The following KCNIP3 variants were observed in gnomAD, a reference collection of about 807,000 sequenced individuals.
KCNIP3 encodes calsenilin.
A neutral mutation model predicts 35.0 loss-of-function variants in KCNIP3; 28 were observed. That is an observed-to-expected ratio of 0.80 (90% CI 0.59 to 1.10). The LOEUF (loss-of-function observed/expected upper bound fraction) is 1.10, where lower values mean the gene tolerates loss of function less well. KCNIP3 is among the 50% of genes least tolerant of loss of function. KCNIP3 has a pLI of 0.00. For synonymous variants in KCNIP3, 134 were observed against 133.8 expected (o/e 1.00, Z -0.01); for missense variants, 295 against 338.4 (o/e 0.87, Z 1.01).
At chr2:95,355,905 C>T (rs1053334077) in intron 2 of KCNIP3, among the ~76,000 whole-genome samples, 9 of 152,094 alleles carry the variant, frequency 5.9e-5, no homozygotes, top group African/African-American at 1.9e-4. Context: ...GTTCTAGATC[C>T]CTGAGGAATC....
At chr2:95,354,272 C>G (rs1466372675) in intron 2 of KCNIP3, among the ~76,000 whole-genome samples, 4 of 152,246 alleles carry the variant, frequency 2.6e-5, no homozygotes, top group African/African-American at 9.6e-5. Flanking sequence ...GCGTGTGTCT[C>G]TATACTTAGG....
chr2:95,300,632 G>C (rs569409714), intron 1 of KCNIP3, among the ~76,000 whole-genome samples: 1 of 152,198 alleles, frequency 6.6e-6, no homozygotes, highest in South Asian at 2.1e-4. Flanking sequence ...CAGGGCTCCC[G>C]GCCTCAGCTG....
rs1680254481 is a variant in KCNIP3, at chr2:95,378,317, A to G, written c.447+3109A>G. 1.3e-5 allele frequency among the ~76,000 whole-genome samples: 2 copies of G among 151,864 alleles called. No homozygotes were observed. The highest frequency in any genetic ancestry group is 2.9e-5 in the Non-Finnish European group (2 of 67,964). On this transcript the variant is annotated intron_variant, in intron 5 of 8. Coordinates refer to ENST00000295225, the MANE Select transcript of KCNIP3 (RefSeq NM_013434.5). The surrounding 1 kb of genome is among the most constrained non-coding windows in gnomAD (Gnocchi z 4.0). ...TTTTTATTTTAATTGTTGTAGATGCAAGGTCTCACTATGTTGTCCAGGCTA... is the reference window on the plus strand; with the variant it reads ...TTTTTATTTTAATTGTTGTAGATGCGAGGTCTCACTATGTTGTCCAGGCTA...
intron 2 of KCNIP3, 152 bp downstream of exon 2, chr2:95,310,672 C>T: frequency 1.2e-6 from 1 of 804,826 alleles, no homozygotes; most frequent in Non-Finnish European, 2.0e-6. Flanking sequence ...TTCATTCACA[C>T]CCTTCCCCAT....
chr2:95,378,315 G>A lies in KCNIP3; in HGVS notation c.447+3107G>A, dbSNP rs1220974082. On this transcript the variant is annotated intron_variant, in intron 5 of 8. Transcript: ENST00000295225. This position sits in a 1 kb window ranked among gnomAD's most constrained non-coding sequence, Gnocchi z 4.0. Reference sequence around the variant, plus strand: ...TTTTTTTATTTTAATTGTTGTAGATGCAAGGTCTCACTATGTTGTCCAGGC... The same window carrying A: ...TTTTTTTATTTTAATTGTTGTAGATACAAGGTCTCACTATGTTGTCCAGGC... 2.6e-5 allele frequency among the ~76,000 whole-genome samples: 4 copies of A among 151,904 alleles called. No homozygotes were observed. Among genetic ancestry groups the A allele is most frequent in the Non-Finnish European group, 5.9e-5 (4 of 67,996 alleles).
At chr2:95,322,024 C>T in intron 2 of KCNIP3, among the ~76,000 whole-genome samples, 1 of 152,180 alleles carries the variant, frequency 6.6e-6, no homozygotes, top group Admixed American at 6.5e-5. Context: ...CAAATTGCTT[C>T]TAACCTCTCT....
At chr2:95,336,989 T>C (rs1679077056) in intron 2 of KCNIP3, among the ~76,000 whole-genome samples, 1 of 152,186 alleles carries the variant, frequency 6.6e-6, no homozygotes, top group African/African-American at 2.4e-5. Flanking sequence ...TCCCTGCTAA[T>C]GCAGAGCCTA....
chr2:95,378,906 A>G lies in KCNIP3; in HGVS notation c.448-2690A>G, dbSNP rs1329902467. Among the ~76,000 whole-genome samples, 1 of 152,002 alleles carries G rather than the reference A, an allele frequency of 6.6e-6. No homozygotes were observed. The highest frequency in any genetic ancestry group is 1.5e-5 in the Non-Finnish European group (1 of 68,008). On this transcript the variant is annotated intron_variant, in intron 5 of 8. Transcript: ENST00000295225. The surrounding 1 kb of genome is among the most constrained non-coding windows in gnomAD (Gnocchi z 4.0). ...TATATACACACACACACATATATAT[A>G]TATATATTCATTGTCTTCAGTTATA...
chr2:95,318,022 A>G (rs1678501505), intron 2 of KCNIP3, among the ~76,000 whole-genome samples: 1 of 150,794 alleles, frequency 6.6e-6, no homozygotes, highest in African/African-American at 2.4e-5. Flanking sequence ...GGGCCGGGTC[A>G]AGGATTGGGC....
chr2:95,350,719 C>T (rs189396730), intron 2 of KCNIP3, among the ~76,000 whole-genome samples: 5 of 152,240 alleles, frequency 3.3e-5, no homozygotes, highest in African/African-American at 1.2e-4. Context: ...GGTGGGGGGC[C>T]AGTGGGCTCT....
chr2:95,364,801 C>T (rs1002658881), intron 2 of KCNIP3, among the ~76,000 whole-genome samples: 1 of 152,168 alleles, frequency 6.6e-6, no homozygotes, highest in African/African-American at 2.4e-5. Flanking sequence ...GCTTTGTGTA[C>T]ATCCTGCAGA....
At chr2:95,383,861 GT>G in intron 8 of KCNIP3, 140 bp from the exon 9 acceptor site, 1 of 751,940 alleles carries the variant, frequency 1.3e-6, no homozygotes, top group Non-Finnish European at 2.4e-6. Context: ...TCACCTCCCT[GT>G]CCCCCAGCTC....
chr2:95,382,580 C>T lies in KCNIP3; in HGVS notation c.660+99C>T, dbSNP rs1680377611. On this transcript the variant is annotated intron_variant, in intron 7 of 8. Coordinates refer to ENST00000295225, the MANE Select transcript of KCNIP3 (RefSeq NM_013434.5). The surrounding 1 kb of genome is among the most constrained non-coding windows in gnomAD (Gnocchi z 4.5). ...GGGCAAGTGGCTTGCCCCTCTGAGC[C>T]TCCCTACTCCCCATGAGGAGGTTAA... The T allele has an allele frequency of 1.3e-6, 1 of 745,264 alleles. No individual in the cohort carries two copies. The highest frequency in any genetic ancestry group is 2.2e-6 in the Non-Finnish European group (1 of 464,646). The allele number at this position is 745,264 out of a possible 1,614,324, so 46.2% of individuals were successfully genotyped here. A position where few individuals can be genotyped will look rare whatever the true frequency, so the allele number is the denominator to read the frequency against.
intron 2 of KCNIP3, among the ~76,000 whole-genome samples, chr2:95,325,656 G>GATACACACTCATACAC (rs372878286): frequency 3.4e-5 from 5 of 149,080 alleles, no homozygotes; most frequent in South Asian, 2.1e-4. Context: ...CACACAAATA[G>GATACACACTCATACAC]ATACACACTC....
intron 2 of KCNIP3, among the ~76,000 whole-genome samples, chr2:95,361,168 C>T (rs1223929692): frequency 1.3e-5 from 2 of 152,134 alleles, no homozygotes; most frequent in Non-Finnish European, 2.9e-5. Context: ...TCTAATGTTA[C>T]GTTGAAAAGC....
intron 2 of KCNIP3, among the ~76,000 whole-genome samples, chr2:95,357,158 G>A (rs1440936319): frequency 6.6e-6 from 1 of 152,204 alleles, no homozygotes; most frequent in Non-Finnish European, 1.5e-5. Context: ...TAGCATCACA[G>A]CAGTCTCACC....
At chr2:95,332,023 C>T (rs1434727026) in intron 2 of KCNIP3, among the ~76,000 whole-genome samples, 1 of 152,244 alleles carries the variant, frequency 6.6e-6, no homozygotes, top group Non-Finnish European at 1.5e-5. Context: ...GCCCCGTTCT[C>T]TTCCAGTGGT....
intron 2 of KCNIP3, among the ~76,000 whole-genome samples, chr2:95,367,379 A>G (rs1679941959): frequency 6.6e-6 from 1 of 152,246 alleles, no homozygotes. Context: ...GATAAATTTT[A>G]GAGCATGTTG....
intron 2 of KCNIP3, among the ~76,000 whole-genome samples, chr2:95,362,516 C>T (rs1679824871): frequency 6.6e-6 from 1 of 152,200 alleles, no homozygotes; most frequent in African/African-American, 2.4e-5. Flanking sequence ...TACAGTCACA[C>T]TGGGGGTTAA....
Sources: allele counts gnomAD v4.1 joint callset (sites outside exome capture counted in the v4.1 genomes callset), GRCh38; gene constraint gnomAD v4.1.1; non-coding constraint Gnocchi (gnomAD v3.1); transcripts MANE v1.5; gene names NCBI Gene and HGNC (gene_info 2026-07-23, HGNC 2026-07-21).